Variants in CDH13 observed in about 807,000 individuals in gnomAD.
CDH13 encodes the protein cadherin-13.
A neutral mutation model predicts 63.8 loss-of-function variants in CDH13; 24 were observed. That is an observed-to-expected ratio of 0.38 (90% confidence interval 0.27 to 0.53). CDH13 has a LOEUF of 0.53. CDH13 is among the 20% of genes least tolerant of loss of function. The probability of loss-of-function intolerance (pLI) is 0.85; values close to 1 mark genes in which losing one functional copy is unlikely to be tolerated. For synonymous variants in CDH13, 503 were observed against 355.3 expected (o/e 1.42, Z -4.67); for missense variants, 1,049 against 903.1 (o/e 1.16, Z -2.07).
At chr16:83,165,897 CAGGAGAGAGAAGAGT>C (rs2037643244) in intron 4 of CDH13, among the ~76,000 whole-genome samples, 1 of 152,030 alleles carries the variant, frequency 6.6e-6, no homozygotes, top group East Asian at 1.9e-4. Flanking sequence ...CTGTAGGACC[CAGGAGAGAGAAGAGT>C]AGCCTGGAAT....
intron 6 of CDH13, among the ~76,000 whole-genome samples, chr16:83,430,537 C>T (rs1430921659): frequency 1.3e-5 from 2 of 152,128 alleles, no homozygotes; most frequent in Non-Finnish European, 2.9e-5. Context: ...TTTTATCAAA[C>T]CTTTATTCTT....
At chr16:82,795,241 A>G (rs2036524723) in intron 1 of CDH13, among the ~76,000 whole-genome samples, 1 of 152,176 alleles carries the variant, frequency 6.6e-6, no homozygotes, top group Non-Finnish European at 1.5e-5. Context: ...TAATTTTCCA[A>G]TGGACATGGA....
intron 1 of CDH13, among the ~76,000 whole-genome samples, chr16:82,635,334 G>A (rs922802549): frequency 6.6e-6 from 1 of 152,236 alleles, no homozygotes; most frequent in Non-Finnish European, 1.5e-5. Context: ...GAGCAGTAGG[G>A]CTTACAGACA....
chr16:83,172,828 G>A (rs187393716), intron 4 of CDH13, among the ~76,000 whole-genome samples: 36 of 152,240 alleles, frequency 2.4e-4, no homozygotes, highest in African/African-American at 8.4e-4. Context: ...GCTTCCTTCT[G>A]AATGTGGATC....
chr16:83,056,728 G>A (rs1395425140), intron 3 of CDH13, among the ~76,000 whole-genome samples: 1 of 152,154 alleles, frequency 6.6e-6, no homozygotes, highest in Non-Finnish European at 1.5e-5. Context: ...CATGTCACGG[G>A]AGGGATCCAG....
intron 1 of CDH13, among the ~76,000 whole-genome samples, chr16:82,779,539 G>A (rs1255689895): frequency 3.3e-5 from 5 of 152,226 alleles, no homozygotes; most frequent in Non-Finnish European, 7.3e-5. Flanking sequence ...GGGATGGTCA[G>A]TGGCTCCAAG....
intron 1 of CDH13, among the ~76,000 whole-genome samples, chr16:82,634,691 C>A (rs1330365842): frequency 6.6e-6 from 1 of 152,086 alleles, no homozygotes; most frequent in East Asian, 1.9e-4. Context: ...CTATTTAGTC[C>A]CTAAAAGAAA....
chr16:83,047,187 T>G lies in CDH13; in HGVS notation c.366+14969T>G, dbSNP rs1260124883. Among the ~76,000 whole-genome samples, 1 of 152,210 alleles carries G rather than the reference T, an allele frequency of 6.6e-6. No homozygotes were observed. The highest frequency in any genetic ancestry group is 1.9e-4 in the East Asian group (1 of 5,204). On this transcript the variant is annotated intron_variant, in intron 3 of 13. Coordinates refer to ENST00000567109, the MANE Select transcript of CDH13 (RefSeq NM_001257.5). The surrounding 1 kb of genome is among the most constrained non-coding windows in gnomAD (Gnocchi z 4.9). ...AAGGTCTGCAGACTATAAGCAGACT[T>G]TATCTGAAGACCACCTCCTGCCCCT...
At chr16:82,778,154 T>A (rs1190800765) in intron 1 of CDH13, among the ~76,000 whole-genome samples, 3 of 152,216 alleles carry the variant, frequency 2.0e-5, no homozygotes, top group Non-Finnish European at 4.4e-5. Flanking sequence ...GTGATTATTT[T>A]AACGCAAAAT....
rs375889188 is a variant in CDH13, at chr16:83,158,429, G to T, written c.483+32928G>T. 7.2e-5 allele frequency among the ~76,000 whole-genome samples: 11 copies of T among 152,192 alleles called. No homozygotes were observed. In the East Asian group the frequency reaches 1.7e-3, roughly 24 times the overall value. On this transcript the variant is annotated intron_variant, in intron 4 of 13. Transcript: ENST00000567109. ...ATAACTCTGCCCCTTCACAGCACAG[G>T]GCCCGGTGGAGGCTGCCCTTCCAGG...
intron 8 of CDH13, among the ~76,000 whole-genome samples, chr16:83,665,463 C>T (rs1025820166): frequency 6.6e-6 from 1 of 152,170 alleles, no homozygotes; most frequent in African/African-American, 2.4e-5. Flanking sequence ...GAAGAGCCTT[C>T]CAATAAGCTG....
intron 6 of CDH13, among the ~76,000 whole-genome samples, chr16:83,436,686 C>G (rs535709529): frequency 2.0e-5 from 3 of 152,300 alleles, no homozygotes; most frequent in African/African-American, 7.2e-5. Context: ...GTAATATGTT[C>G]CATGTGTAAT....
chr16:83,503,141 A>C (rs759499628), intron 7 of CDH13, among the ~76,000 whole-genome samples: 1 of 152,238 alleles, frequency 6.6e-6, no homozygotes, highest in Non-Finnish European at 1.5e-5. Flanking sequence ...ATCATCAGGT[A>C]AGCAAGGGGT....
intron 1 of CDH13, among the ~76,000 whole-genome samples, chr16:82,828,742 A>G (rs1389795156): frequency 5.3e-5 from 8 of 152,206 alleles, no homozygotes; most frequent in Non-Finnish European, 7.3e-5. Context: ...TAATACAAAT[A>G]AAAATACAGT....
At chr16:83,155,137 T>A (rs1011888169) in intron 4 of CDH13, among the ~76,000 whole-genome samples, 15 of 152,342 alleles carry the variant, frequency 9.8e-5, no homozygotes, top group African/African-American at 3.6e-4. Context: ...CAAGAAGCAA[T>A]CTTTGAAAGC....
At chr16:82,916,703 T>C (rs2042003571) in intron 2 of CDH13, among the ~76,000 whole-genome samples, 1 of 152,240 alleles carries the variant, frequency 6.6e-6, no homozygotes, top group Admixed American at 6.5e-5. Flanking sequence ...ATTTTTATGT[T>C]TGTTAAAATA....
intron 6 of CDH13, among the ~76,000 whole-genome samples, chr16:83,485,832 G>T (rs950238037): frequency 6.6e-6 from 1 of 152,136 alleles, no homozygotes; most frequent in African/African-American, 2.4e-5. Flanking sequence ...GGCACATGGA[G>T]TTGGCATTGA....
At chr16:83,159,596 A>C (rs1043956968) in intron 4 of CDH13, among the ~76,000 whole-genome samples, 3 of 152,208 alleles carry the variant, frequency 2.0e-5, no homozygotes, top group Non-Finnish European at 4.4e-5. Flanking sequence ...GGCACATAAA[A>C]AAGAGCCTTA....
At chr16:83,062,769 G>C (rs368342662) in intron 3 of CDH13, among the ~76,000 whole-genome samples, 2 of 152,140 alleles carry the variant, frequency 1.3e-5, no homozygotes, top group African/African-American at 4.8e-5. Context: ...AAGAATTCCA[G>C]CAGGATTCAG....
Sources: allele counts gnomAD v4.1 joint callset (sites outside exome capture counted in the v4.1 genomes callset), GRCh38; gene constraint gnomAD v4.1.1; non-coding constraint Gnocchi (gnomAD v3.1); transcripts MANE v1.5; gene names NCBI Gene and HGNC (gene_info 2026-07-23, HGNC 2026-07-21).